PIEZO2: variants seen among roughly 807,000 people sequenced by gnomAD.
PIEZO2 encodes the protein piezo type mechanosensitive ion channel component 2, also known as piezo-type mechanosensitive ion channel component 2.
A neutral mutation model predicts 337.3 loss-of-function variants in PIEZO2; 172 were observed. The observed-to-expected ratio is 0.51, with a 90% confidence interval of 0.45 to 0.58. The LOEUF is 0.58. PIEZO2 is among the 20% of genes least tolerant of loss of function. The pLI is 0.00. For missense variants in PIEZO2, 3,028 were observed against 3,391.3 expected (o/e 0.89, Z 2.66); for synonymous variants, 1,251 against 1,228.5 (o/e 1.02, Z -0.38).
chr18:10,818,345 T>C (rs1037039725), intron 7 of PIEZO2, among the ~76,000 whole-genome samples: 12 of 152,240 alleles, frequency 7.9e-5, no homozygotes, highest in African/African-American at 2.9e-4. Flanking sequence ...AGTTAATATG[T>C]AGCCCATTTC....
chr18:10,854,665 C>G lies in PIEZO2; in HGVS notation c.917+688G>C, dbSNP rs1280580859. On this transcript the variant is annotated intron_variant, in intron 7 of 55. Coordinates refer to ENST00000674853, the MANE Select transcript of PIEZO2 (RefSeq NM_001378183.1). The surrounding 1 kb of genome is among the most constrained non-coding windows in gnomAD (Gnocchi z 4.6). ...TCGAAGCAAAGTATTTGATGTTTCT[C>G]CCTTTCTCTCTCACACCAGAGACTT... Among the ~76,000 whole-genome samples the G allele has an allele frequency of 6.6e-6, 1 of 152,160 alleles. No individual in the cohort carries two copies. The highest frequency in any genetic ancestry group is 1.5e-5 in the Non-Finnish European group (1 of 68,020).
intron 33 of PIEZO2, 173 bp downstream of exon 33, chr18:10,740,858 G>A (rs1416660813): frequency 1.4e-6 from 1 of 721,490 alleles, no homozygotes; most frequent in Non-Finnish European, 2.5e-6. Context: ...GGAAGAATTG[G>A]ACCCCGGGCT....
At chr18:10,901,975 C>T (rs1178924731) in intron 4 of PIEZO2, among the ~76,000 whole-genome samples, 2 of 151,932 alleles carry the variant, frequency 1.3e-5, no homozygotes, top group Non-Finnish European at 2.9e-5. Context: ...GGGCCTTGGA[C>T]TGGTACTGGT....
At chr18:11,007,522 C>G (rs894736564) in intron 2 of PIEZO2, among the ~76,000 whole-genome samples, 4 of 151,998 alleles carry the variant, frequency 2.6e-5, no homozygotes, top group East Asian at 1.9e-4. Context: ...TCAATAAGCC[C>G]TAAGTATCAT....
At chr18:11,029,791 C>T (rs1470864454) in intron 2 of PIEZO2, among the ~76,000 whole-genome samples, 1 of 152,128 alleles carries the variant, frequency 6.6e-6, no homozygotes, top group Non-Finnish European at 1.5e-5. Context: ...CCTTTTCAGA[C>T]AGGTCTTGTT....
intron 39 of PIEZO2, among the ~76,000 whole-genome samples, chr18:10,712,045 C>T (rs144581357): frequency 6.6e-6 from 1 of 152,346 alleles, no homozygotes; most frequent in Non-Finnish European, 1.5e-5. Flanking sequence ...CTCAGCATTT[C>T]TTTCATCCTA....
At position 11,091,383 on chromosome 18, in the gene PIEZO2, C is replaced by CA. The variant is rs529307821; in HGVS notation, c.65-25162dup. 0.022 allele frequency among the ~76,000 whole-genome samples: 1,660 copies of CA among 77,126 alleles called. 48 individuals are homozygous for CA. In the East Asian group the frequency reaches 0.23, roughly 11 times the overall value. 50.6% of individuals were successfully genotyped at this position (77,126 alleles called of 152,430 possible). Reference sequence around the variant, plus strand: ...TGGGCAACACAGCAAGACTCCGTCTCAAAAAAAAAAAAAAAAGAAAAAAAG... The same window carrying CA: ...TGGGCAACACAGCAAGACTCCGTCTCAAAAAAAAAAAAAAAAAGAAAAAAAG... On this transcript the variant is annotated intron_variant, in intron 1 of 55. Transcript: ENST00000674853.
chr18:11,121,787 G>A (rs542208959), intron 1 of PIEZO2, among the ~76,000 whole-genome samples: 15 of 152,280 alleles, frequency 9.9e-5, no homozygotes, highest in Admixed American at 9.8e-4. Context: ...ATCCAGCAAT[G>A]AGAGGACATA....
At chr18:10,798,496 C>G (rs2039690529) in intron 11 of PIEZO2, among the ~76,000 whole-genome samples, 1 of 152,174 alleles carries the variant, frequency 6.6e-6, no homozygotes, top group Non-Finnish European at 1.5e-5. Context: ...ACAAAAAGTC[C>G]CTGGGATCAT....
Position 10,724,605 on chromosome 18 carries a change from C to A in PIEZO2, c.5030-6346G>T, listed in dbSNP as rs547159514. ...GTTGGAGTGACCCAGCTGGATGTGA[C>A]CCCCAAGACAGAATGGTGCTGGACT... On this transcript the variant is annotated intron_variant, in intron 36 of 55. Coordinates refer to ENST00000674853, the MANE Select transcript of PIEZO2 (RefSeq NM_001378183.1). The surrounding 1 kb of genome is among the most constrained non-coding windows in gnomAD (Gnocchi z 5.8). 1 of 640,698 alleles carries A rather than the reference C, an allele frequency of 1.6e-6. No homozygotes were observed. The allele number at this position is 640,698 out of a possible 1,614,324, so 39.7% of individuals were successfully genotyped here.
rs116169138 is a variant in PIEZO2, at chr18:11,043,121, G to A, written c.160+23006C>T. On this transcript the variant is annotated intron_variant, in intron 2 of 55. Transcript: ENST00000674853. ...TGTCTGTATAAATGAACACTTGGTA[G>A]AGTAGATCAACTTTTGCATTAAATT... 2.8e-3 allele frequency among the ~76,000 whole-genome samples: 423 copies of A among 152,268 alleles called. 2 individuals carry two copies. The highest frequency in any genetic ancestry group is 9.8e-3 in the African/African-American group (408 of 41,554).
intron 5 of PIEZO2, among the ~76,000 whole-genome samples, chr18:10,869,713 C>G (rs2042093424): frequency 2.0e-5 from 3 of 152,158 alleles, no homozygotes; most frequent in African/African-American, 7.2e-5. Context: ...CTAATGCATG[C>G]CTTATGGTGT....
Position 11,083,388 on chromosome 18 carries a change from G to A in PIEZO2, c.65-17166C>T, listed in dbSNP as rs149415835. On this transcript the variant is annotated intron_variant, in intron 1 of 55. Coordinates refer to ENST00000674853, the MANE Select transcript of PIEZO2 (RefSeq NM_001378183.1). The surrounding 1 kb of genome is among the most constrained non-coding windows in gnomAD (Gnocchi z 4.4). ...CTATATTTGTTTGGATGTTTTCCTT[G>A]GTAAATTCTTGGCGTAGAATGAGAG... Among the ~76,000 whole-genome samples, 1,257 of 152,286 alleles carry A rather than the reference G, an allele frequency of 8.3e-3. 15 individuals are homozygous for A. Among genetic ancestry groups the A allele is most frequent in the South Asian group, 0.048 (231 of 4,824 alleles).
At chr18:10,986,559 A>G (rs918270433) in intron 2 of PIEZO2, among the ~76,000 whole-genome samples, 7 of 152,038 alleles carry the variant, frequency 4.6e-5, no homozygotes, top group African/African-American at 1.7e-4. Context: ...CATATTAGAT[A>G]TAGAAGGAAT....
At chr18:10,998,457 T>G (rs2035412250) in intron 2 of PIEZO2, among the ~76,000 whole-genome samples, 2 of 152,142 alleles carry the variant, frequency 1.3e-5, no homozygotes, top group African/African-American at 4.8e-5. Flanking sequence ...TTGGAAATAC[T>G]TGGTGTGTAC....
At chr18:10,939,198 G>A (rs971626645) in intron 3 of PIEZO2, among the ~76,000 whole-genome samples, 1 of 146,600 alleles carries the variant, frequency 6.8e-6, no homozygotes, top group African/African-American at 2.5e-5. Context: ...CTGAGCCATT[G>A]TTTAGCTCAT....
At chr18:10,995,077 CAAAAA>C (rs767666232) in intron 2 of PIEZO2, among the ~76,000 whole-genome samples, 5 of 28,304 alleles carry the variant, frequency 1.8e-4, no homozygotes, top group Admixed American at 1.0e-3. Flanking sequence ...GACTCCGTCT[CAAAAA>C]AAAAAAAAAA....
At chr18:10,946,290 T>G (rs574394642) in intron 3 of PIEZO2, among the ~76,000 whole-genome samples, 1 of 152,130 alleles carries the variant, frequency 6.6e-6, no homozygotes, top group African/African-American at 2.4e-5. Context: ...TCAGAACCAA[T>G]GAAGTGAGAG....
At chr18:11,071,846 G>A (rs1199508171) in intron 1 of PIEZO2, among the ~76,000 whole-genome samples, 1 of 152,168 alleles carries the variant, frequency 6.6e-6, no homozygotes, top group Non-Finnish European at 1.5e-5. Flanking sequence ...CGGGGACTTT[G>A]GTTTTCCCTC....
Sources: gnomAD v4.1 joint callset for allele counts (sites outside exome capture counted in the v4.1 genomes callset) on GRCh38, gnomAD v4.1.1 for gene constraint, Gnocchi (gnomAD v3.1) non-coding constraint, MANE v1.5 for transcripts, NCBI Gene and HGNC (gene_info 2026-07-23, HGNC 2026-07-21) for gene names.